Variants in GRIN2A observed in about 807,000 individuals in gnomAD.
GRIN2A encodes glutamate ionotropic receptor NMDA type subunit 2A.
GRIN2A carries 22 observed loss-of-function variants against 113.4 expected under a neutral mutation model. The observed-to-expected ratio is 0.19, with a 90% CI of 0.14 to 0.28. The LOEUF (loss-of-function observed/expected upper bound fraction) is 0.28, where lower values mean the gene tolerates loss of function less well. Ranked by LOEUF, GRIN2A falls within the 10% of genes least tolerant of loss-of-function variation. The pLI is 1.00. For missense variants in GRIN2A, 1,502 were observed against 1,887.0 expected (o/e 0.80, Z 3.78); for synonymous variants, 827 against 738.4 (o/e 1.12, Z -1.94).
At chr16:9,778,089 A>T (rs1384633140) in intron 11 of GRIN2A, among the ~76,000 whole-genome samples, 1 of 152,128 alleles carries the variant, frequency 6.6e-6, no homozygotes, top group Non-Finnish European at 1.5e-5. Context: ...AAAAAACCCA[A>T]CTACAACTTG....
intron 4 of GRIN2A, among the ~76,000 whole-genome samples, chr16:9,864,705 A>G (rs1236780083): frequency 6.6e-6 from 1 of 152,196 alleles, no homozygotes; most frequent in East Asian, 1.9e-4. Context: ...CAATAAGGTT[A>G]CAGAACCTGG....
intron 2 of GRIN2A, among the ~76,000 whole-genome samples, chr16:9,993,911 A>G: frequency 6.6e-6 from 1 of 152,176 alleles, no homozygotes; most frequent in Admixed American, 6.5e-5. Context: ...CAGATTTCGG[A>G]CACATCATTG....
chr16:9,946,591 A>AT lies in GRIN2A; in HGVS notation c.415-8041dup, dbSNP rs1387507909. Among the ~76,000 whole-genome samples, 8 of 152,230 alleles carry AT rather than the reference A, an allele frequency of 5.3e-5. No individual in the cohort carries two copies. The East Asian group carries it at 1.5e-3, about 29-fold the overall frequency. Reference sequence around the variant, plus strand: ...GTTCTTCCTTTACTGGTAATAGTGAATTCCCCCTGAGAGCCCTCATTTTCC... The same window carrying AT: ...GTTCTTCCTTTACTGGTAATAGTGAATTTCCCCCTGAGAGCCCTCATTTTCC... On this transcript the variant is annotated intron_variant, in intron 2 of 12. Transcript: ENST00000330684.
intron 2 of GRIN2A, among the ~76,000 whole-genome samples, chr16:9,990,936 G>A (rs866333835): frequency 2.0e-5 from 3 of 151,974 alleles, no homozygotes; most frequent in Admixed American, 6.5e-5. Flanking sequence ...GCATGGTTGC[G>A]GGTACCTGTA....
At position 9,849,919 on chromosome 16, in the gene GRIN2A, C is replaced by T. The variant is rs1277595711; in HGVS notation, c.1165G>A (p.Val389Met). The T allele has an allele frequency of 2.5e-6, 4 of 1,614,092 alleles. No individual in the cohort carries two copies. Among genetic ancestry groups the T allele is most frequent in the Admixed American group, 1.7e-5 (1 of 60,024 alleles). Residue 389 changes from valine (V) to methionine (M), a missense_variant, in exon 5 of 13, where the codon GTG (valine) becomes ATG (methionine). Around this residue, in one of 7 missense-constraint regions of GRIN2A, gnomAD observed 334 missense variants for 403.0 expected, o/e 0.83. Transcript: ENST00000330684. ...ENHTLSLRHAVWPRYKSFSDC... is the reference protein window; with the variant it reads ...ENHTLSLRHAMWPRYKSFSDC... ...GAGAAGGACTTGTACCTGGGCCACA[C>T]GGCGTGCCTCAGGCTCAGCGTATGG... is the stretch of plus-strand genomic sequence containing the variant.
At chr16:10,075,361 G>A (rs2047848879) in intron 2 of GRIN2A, among the ~76,000 whole-genome samples, 1 of 152,030 alleles carries the variant, frequency 6.6e-6, no homozygotes, top group South Asian at 2.1e-4. Context: ...AAATTTGTAT[G>A]CCTCTACTTA....
intron 5 of GRIN2A, among the ~76,000 whole-genome samples, chr16:9,842,970 A>AGG (rs1304454156): frequency 6.6e-6 from 1 of 150,414 alleles, no homozygotes; most frequent in Non-Finnish European, 1.5e-5. Flanking sequence ...AGAGAGAGAG[A>AGG]GGAAGAAAGA....
chr16:10,068,862 T>C (rs979173084), intron 2 of GRIN2A, among the ~76,000 whole-genome samples: 3 of 152,014 alleles, frequency 2.0e-5, no homozygotes, highest in Non-Finnish European at 2.9e-5. Flanking sequence ...GTTTTGGGGA[T>C]TGGTGCTGGT....
intron 2 of GRIN2A, among the ~76,000 whole-genome samples, chr16:10,076,143 GA>G (rs941797335): frequency 6.6e-5 from 10 of 152,316 alleles, no homozygotes; most frequent in African/African-American, 9.6e-5. Flanking sequence ...CAGCACCTGG[GA>G]CATCAGGAAG....
At chr16:10,122,185 A>G (rs2048849185) in intron 2 of GRIN2A, among the ~76,000 whole-genome samples, 1 of 152,134 alleles carries the variant, frequency 6.6e-6, no homozygotes, top group East Asian at 1.9e-4. Flanking sequence ...CCCTGATAAT[A>G]TTTGGCCATG....
chr16:10,018,095 G>C (rs1194501356), intron 2 of GRIN2A, among the ~76,000 whole-genome samples: 1 of 152,150 alleles, frequency 6.6e-6, no homozygotes, highest in Non-Finnish European at 1.5e-5. Flanking sequence ...TCTACGATGA[G>C]AGTAGTTACT....
At position 9,763,479 on chromosome 16, in the gene GRIN2A, C is replaced by G. The variant is rs796052559; in HGVS notation, c.4065G>C (p.Lys1355Asn). 6.2e-7 allele frequency: 1 copy of G among 1,613,922 alleles called. No individual in the cohort carries two copies. The highest frequency in any genetic ancestry group is 1.3e-5 in the African/African-American group (1 of 74,880). ...PQGLEDSKRS[K>N]SLLPDHTSDN... ...CGGAGGTGTGGTCTGGCAAGAGAGACTTGCTCCTCTTGCTGTCCTCCAGAC... is the reference window on the plus strand; with the variant it reads ...CGGAGGTGTGGTCTGGCAAGAGAGAGTTGCTCCTCTTGCTGTCCTCCAGAC... The change falls in exon 13 of 13, where the codon AAG (lysine) becomes AAC (asparagine). Residue 1355 changes from lysine to asparagine, a missense_variant. By Grantham distance (94) the Lys-to-Asn change is moderately conservative. Transcript: ENST00000330684.
chr16:9,984,023 A>T (rs1367270044), intron 2 of GRIN2A, among the ~76,000 whole-genome samples: 1 of 152,222 alleles, frequency 6.6e-6, no homozygotes, highest in Non-Finnish European at 1.5e-5. Context: ...CCAGCAATGT[A>T]TACTAGTTCT....
rs150265905 is a variant in GRIN2A at position 9,952,158 on chromosome 16, G to A, written c.415-13607C>T. ...AAGCCTCACCCAGAAAGAAAGTCAT[G>A]GAGCCACAGAGCTCAACCCACCCTC... On this transcript the variant is annotated intron_variant, in intron 2 of 12. Transcript: ENST00000330684. Among the ~76,000 whole-genome samples the A allele has an allele frequency of 3.6e-3, 554 of 152,238 alleles. 5 individuals are homozygous for A. Among genetic ancestry groups the A allele is most frequent in the African/African-American group, 0.012 (516 of 41,546 alleles).
chr16:9,821,646 A>G (rs185327325), intron 10 of GRIN2A, among the ~76,000 whole-genome samples: 1 of 152,306 alleles, frequency 6.6e-6, no homozygotes, highest in African/African-American at 2.4e-5. Flanking sequence ...ATATGAGGCT[A>G]TGAGGTATGA....
chr16:10,099,165 G>T (rs56186846), intron 2 of GRIN2A, among the ~76,000 whole-genome samples: 1 of 151,782 alleles, frequency 6.6e-6, no homozygotes, highest in Admixed American at 6.6e-5. Context: ...GACCTTAAAG[G>T]CTTACAAAGG....
At chr16:9,932,550 AT>A (rs57484036) in intron 3 of GRIN2A, among the ~76,000 whole-genome samples, 2,171 of 142,016 alleles carry the variant, frequency 0.015, 23 homozygotes, top group African/African-American at 0.045. Flanking sequence ...TAAAGTTTGT[AT>A]TTTTTTTTTT....
At chr16:9,812,663 A>G (rs1158107671) in intron 10 of GRIN2A, among the ~76,000 whole-genome samples, 2 of 152,158 alleles carry the variant, frequency 1.3e-5, no homozygotes, top group African/African-American at 2.4e-5. Context: ...AAGAAAGAAA[A>G]AAGAAATAAA....
At chr16:10,105,968 G>GTGTA (rs1567302793) in intron 2 of GRIN2A, among the ~76,000 whole-genome samples, 1 of 151,600 alleles carries the variant, frequency 6.6e-6, no homozygotes, top group African/African-American at 2.4e-5. Context: ...ATATGCAAAG[G>GTGTA]TATATGTATA....
Sources: allele counts gnomAD v4.1 joint callset (sites outside exome capture counted in the v4.1 genomes callset), GRCh38; gene constraint gnomAD v4.1.1; regional missense constraint gnomAD v4.1.1; transcripts MANE v1.5; gene names NCBI Gene and HGNC (gene_info 2026-07-23, HGNC 2026-07-21).